Variants in REV3L observed in about 807,000 individuals in gnomAD.
REV3L encodes the protein REV3 like, DNA directed polymerase zeta catalytic subunit.
REV3L carries 69 observed loss-of-function variants against 299.4 expected under a neutral mutation model. That is an observed-to-expected ratio of 0.23 (90% CI 0.19 to 0.28). The LOEUF (loss-of-function observed/expected upper bound fraction) is 0.28, where lower values mean the gene tolerates loss of function less well. REV3L is among the 10% of genes least tolerant of loss of function. The pLI is 1.00. For missense variants in REV3L, 3,128 were observed against 3,693.8 expected (o/e 0.85, Z 3.97); for synonymous variants, 1,238 against 1,271.4 (o/e 0.97, Z 0.56).
Position 111,430,707 on chromosome 6 carries a change from A to T in REV3L, c.140-14235T>A, listed in dbSNP as rs545591532. On this transcript the variant is annotated intron_variant, in intron 1 of 31. Transcript: ENST00000368802. The stretch of plus-strand genomic sequence containing the variant: ...TTCAAGAGTCCCAGCAAAGAAAATA[A>T]AAAGAAAGACAAAGACATGCTTGAA... The T allele has an allele frequency of 4.4e-5, 68 of 1,546,268 alleles. No homozygotes were observed. In the East Asian group the frequency reaches 1.4e-3, roughly 33 times the overall value.
chr6:111,438,086 T>TG (rs1235871406), intron 1 of REV3L, among the ~76,000 whole-genome samples: 1 of 151,830 alleles, frequency 6.6e-6, no homozygotes, highest in Non-Finnish European at 1.5e-5. Flanking sequence ...CTCAAACTCC[T>TG]GGGCTCAAGT....
chr6:111,467,158 G>A (rs1018807874), intron 1 of REV3L, among the ~76,000 whole-genome samples: 1 of 152,216 alleles, frequency 6.6e-6, no homozygotes, highest in Non-Finnish European at 1.5e-5. Flanking sequence ...ACTTTAAAAT[G>A]TTTAAAATTA....
intron 1 of REV3L, among the ~76,000 whole-genome samples, chr6:111,443,560 G>A (rs1295141511): frequency 6.6e-6 from 1 of 152,142 alleles, no homozygotes; most frequent in Non-Finnish European, 1.5e-5. Flanking sequence ...TTTTGTTAGT[G>A]CAGGTCCAGG....
Position 111,352,296 on chromosome 6 carries a change from G to T in REV3L, c.7185-505C>A, listed in dbSNP as rs1274230950. 2.6e-5 allele frequency among the ~76,000 whole-genome samples: 4 copies of T among 152,080 alleles called. No homozygotes were observed. The South Asian group carries it at 8.3e-4, about 32-fold the overall frequency. ...GTGCTGGGATTATAGGCGATTTGACGCTATTTTTGTAAAGTAAACATAATT... is the reference window on the plus strand; with the variant it reads ...GTGCTGGGATTATAGGCGATTTGACTCTATTTTTGTAAAGTAAACATAATT... On this transcript the variant is annotated intron_variant, in intron 18 of 31. Coordinates refer to ENST00000368802, the MANE Select transcript of REV3L (RefSeq NM_001372078.1).
At chr6:111,444,198 T>C (rs773487025) in intron 1 of REV3L, among the ~76,000 whole-genome samples, 3 of 152,212 alleles carry the variant, frequency 2.0e-5, no homozygotes, top group Admixed American at 6.5e-5. Flanking sequence ...AAGGAACTGA[T>C]TGCCCATTGC....
rs755649277 is a variant in REV3L at position 111,374,884 on chromosome 6, C to T, written c.3471G>A (p.Lys1157=). Residue 1157 remains lysine, a synonymous_variant, in exon 13 of 32, where the codon AAG becomes AAA. Coordinates refer to ENST00000368802, the MANE Select transcript of REV3L (RefSeq NM_001372078.1). The part of the protein sequence containing the change: ...AMLFKGPNVY[K]KTVNSRIGKT... ...TTCCTATACGAGAATTAACAGTCTT[C>T]TTATATACATTAGGACCCTTAAAAA... 1.5e-4 allele frequency: 234 copies of T among 1,613,656 alleles called. No individual in the cohort carries two copies. Among genetic ancestry groups the T allele is most frequent in the Non-Finnish European group, 1.9e-4 (221 of 1,179,898 alleles).
intron 1 of REV3L, among the ~76,000 whole-genome samples, chr6:111,472,484 C>G (rs1250553318): frequency 1.3e-5 from 2 of 150,980 alleles, no homozygotes; most frequent in Non-Finnish European, 2.9e-5. Flanking sequence ...CTCTCTGAAC[C>G]CAAAGAAAAT....
intron 31 of REV3L, among the ~76,000 whole-genome samples, chr6:111,301,254 A>G (rs536144387): frequency 2.7e-4 from 41 of 152,322 alleles, no homozygotes; most frequent in Middle Eastern, 6.8e-3. Context: ...GATGTTTATC[A>G]ATGACAATGT....
intron 13 of REV3L, among the ~76,000 whole-genome samples, chr6:111,370,033 A>G (rs1048249932): frequency 5.3e-5 from 8 of 152,068 alleles, no homozygotes; most frequent in East Asian, 1.9e-4. Flanking sequence ...GGGTTTCACC[A>G]TGTTGGCCAG....
chr6:111,363,171 G>C (rs993197835), intron 16 of REV3L, among the ~76,000 whole-genome samples: 2 of 152,202 alleles, frequency 1.3e-5, no homozygotes, highest in African/African-American at 4.8e-5. Flanking sequence ...ATGAGTGAAT[G>C]AATTTATCCT....
At chr6:111,409,425 T>G (rs1256197167) in intron 3 of REV3L, among the ~76,000 whole-genome samples, 2 of 151,986 alleles carry the variant, frequency 1.3e-5, no homozygotes, top group South Asian at 4.2e-4. Flanking sequence ...GTTGATGTCA[T>G]TACCCTGATT....
chr6:111,375,286 A>G lies in REV3L; in HGVS notation c.3069T>C (p.Phe1023=), dbSNP rs769282476. ...CAGGGGAGTCGGGAACTTTTGGCCA[A>G]AAGTCCTTCAAAGGTGCAAGCTTTT... ...LYKKLAPLKD[F]WPKVPDSPAT... Residue 1023 remains phenylalanine, a synonymous_variant, in exon 13 of 32, where the codon TTT becomes TTC. Transcript: ENST00000368802. The G allele has an allele frequency of 2.5e-6, 4 of 1,603,614 alleles. No individual in the cohort carries two copies. Among genetic ancestry groups the G allele is most frequent in the Non-Finnish European group, 3.4e-6 (4 of 1,177,760 alleles).
At chr6:111,332,054 C>CT (rs1775439389) in intron 23 of REV3L, among the ~76,000 whole-genome samples, 1 of 152,096 alleles carries the variant, frequency 6.6e-6, no homozygotes, top group Non-Finnish European at 1.5e-5. Context: ...AACTCAACAT[C>CT]TGATCATCTT....
Position 111,342,654 on chromosome 6 carries a change from C to T in REV3L, c.7538+1271G>A, listed in dbSNP as rs187299756. 2.4e-3 allele frequency among the ~76,000 whole-genome samples: 347 copies of T among 141,736 alleles called. 2 individuals are homozygous for T. Among genetic ancestry groups the T allele is most frequent in the African/African-American group, 8.3e-3 (329 of 39,680 alleles). The allele number at this position is 141,736 out of a possible 152,430, so 93.0% of individuals were successfully genotyped here. The stretch of plus-strand genomic sequence containing the variant: ...CTGCACTCCAGCCTGGGTGACAGAG[C>T]GAGACTCTGTCTCAAAAAAAAAAAA... On this transcript the variant is annotated intron_variant, in intron 21 of 31. Transcript: ENST00000368802.
intron 1 of REV3L, among the ~76,000 whole-genome samples, chr6:111,434,719 GA>G (rs988970774): frequency 2.7e-5 from 4 of 147,506 alleles, no homozygotes; most frequent in East Asian, 2.0e-4. Flanking sequence ...CAAACAATCT[GA>G]AAAAAAAATC....
rs111896919 is a variant in REV3L at position 111,425,407 on chromosome 6, G to A, written c.140-8935C>T. ...CCGGCAGGCGGAGCTTGCAGTGAGC[G>A]GAGATTGCGCCACTGCACTCCAGCC... On this transcript the variant is annotated intron_variant, in intron 1 of 31. Transcript: ENST00000368802. 7.4e-3 allele frequency among the ~76,000 whole-genome samples: 1,122 copies of A among 152,120 alleles called. 13 individuals are homozygous for A. Among genetic ancestry groups the A allele is most frequent in the African/African-American group, 0.026 (1,067 of 41,494 alleles).
At chr6:111,480,554 T>C (rs1005561658) in intron 1 of REV3L, among the ~76,000 whole-genome samples, 11 of 152,154 alleles carry the variant, frequency 7.2e-5, no homozygotes, top group African/African-American at 2.4e-4. Flanking sequence ...CTAATAAAAA[T>C]GCTGGCTTGG....
chr6:111,422,579 CATATATATATATATACACAT>C lies in REV3L; in HGVS notation c.140-6127_140-6108del, dbSNP rs1562286374. On this transcript the variant is annotated intron_variant, in intron 1 of 31. Transcript: ENST00000368802. Reference sequence around the variant, plus strand: ...GGTGATTCTTTTATATATATATACACATATATATATATATACACATATATATATATATACACATATATATA... The same window carrying C: ...GGTGATTCTTTTATATATATATACACATATATATATATACACATATATATA... Among the ~76,000 whole-genome samples the C allele has an allele frequency of 1.1e-3, 30 of 26,766 alleles. 1 individual carries two copies. The East Asian group carries it at 0.013, about 11-fold the overall frequency. 17.6% of individuals were successfully genotyped at this position (26,766 alleles called of 152,430 possible).
intron 2 of REV3L, among the ~76,000 whole-genome samples, chr6:111,414,190 C>T (rs973539117): frequency 6.6e-6 from 1 of 152,002 alleles, no homozygotes; most frequent in African/African-American, 2.4e-5. Flanking sequence ...ATAATAAAAA[C>T]AGTAATAATA....
Sources: gnomAD v4.1 joint callset for allele counts (sites outside exome capture counted in the v4.1 genomes callset) on GRCh38, gnomAD v4.1.1 for gene constraint, MANE v1.5 for transcripts, NCBI Gene and HGNC (gene_info 2026-07-23, HGNC 2026-07-21) for gene names.